Variants in AVEN observed in about 807,000 individuals in gnomAD.
AVEN encodes the protein apoptosis and caspase activation inhibitor.
In AVEN, 41 loss-of-function variants were observed where a neutral mutation model predicts 38.1. The ratio of observed to expected loss-of-function variants is 1.08; its 90% CI spans 0.84 to 1.40. AVEN has a LOEUF of 1.40. Among genes scored for constraint, AVEN ranks in the 40% most tolerant of loss-of-function variants. AVEN has a pLI of 0.00. For missense variants in AVEN, 605 were observed against 438.8 expected (o/e 1.38, Z -3.38); for synonymous variants, 206 against 171.8 (o/e 1.20, Z -1.56).
chr15:33,872,283 G>T (rs3794590), intron 3 of AVEN, among the ~76,000 whole-genome samples: 1 of 151,968 alleles, frequency 6.6e-6, no homozygotes, highest in Admixed American at 6.6e-5. Flanking sequence ...CTCTGGCCAG[G>T]AATCATAAGA....
chr15:33,853,925 G>A (rs1295182428), downstream of AVEN, among the ~76,000 whole-genome samples: 1 of 152,118 alleles, frequency 6.6e-6, no homozygotes, highest in African/African-American at 2.4e-5. Context: ...TGGGCGCAGT[G>A]GCTCATACCT....
chr15:34,071,468 GTCTC>G (rs1900623932), intron 1 of AVEN, among the ~76,000 whole-genome samples: 1 of 151,960 alleles, frequency 6.6e-6, no homozygotes, highest in African/African-American at 2.4e-5. Flanking sequence ...TAGAGATGTG[GTCTC>G]TCTATGTTGC....
At position 34,059,250 on chromosome 15, in the gene AVEN, A is replaced by G. The variant is rs146511953; in HGVS notation, n.1637+3672T>C. The stretch of plus-strand genomic sequence containing the variant: ...TGAAAAAGAAGTACCCAGGCTATAC[A>G]TGTGTCCAAAGGAGTATGTGCACAT... On this transcript the variant is annotated intron_variant and non_coding_transcript_variant, in intron 5 of 11. Transcript: ENST00000675287. 3.4e-3 allele frequency among the ~76,000 whole-genome samples: 522 copies of G among 152,314 alleles called. 4 individuals are homozygous for G. Among genetic ancestry groups the G allele is most frequent in the African/African-American group, 0.012 (486 of 41,572 alleles).
chr15:33,956,608 A>C lies in AVEN; in HGVS notation c.445+46424T>G, dbSNP rs1209265238. Among the ~76,000 whole-genome samples the C allele has an allele frequency of 1.3e-5, 2 of 152,080 alleles. 1 individual carries two copies. Among genetic ancestry groups the C allele is most frequent in the East Asian group, 3.9e-4 (2 of 5,192 alleles). ...CTATCTCCCCTGCCCACACACACATAATCATTTATCTTTTGGCCTTGGTTA... is the reference window on the plus strand; with the variant it reads ...CTATCTCCCCTGCCCACACACACATCATCATTTATCTTTTGGCCTTGGTTA... On this transcript the variant is annotated intron_variant, in intron 2 of 5. Transcript: ENST00000306730.
chr15:34,016,727 C>G (rs750089663), intron 1 of AVEN, among the ~76,000 whole-genome samples: 9 of 152,160 alleles, frequency 5.9e-5, no homozygotes, highest in Non-Finnish European at 1.2e-4. Context: ...GGTGAGTGGT[C>G]CATTTTAAAC....
intron 2 of AVEN, among the ~76,000 whole-genome samples, chr15:33,933,894 G>C (rs1464740720): frequency 6.6e-6 from 1 of 152,154 alleles, no homozygotes; most frequent in Non-Finnish European, 1.5e-5. Flanking sequence ...GGGAGGCAGA[G>C]GTTGCAGTGA....
At position 34,050,472 on chromosome 15, in the gene AVEN, T is replaced by C. The variant is rs2140825300; in HGVS notation, n.1637+12450A>G. On this transcript the variant is annotated intron_variant and non_coding_transcript_variant, in intron 5 of 11. Transcript: ENST00000675287. ...TCTGCAAAATAACCAGCTAGCATCA[T>C]GATGACAGGATCAAATTCACACATA... is the stretch of plus-strand genomic sequence containing the variant. Among the ~76,000 whole-genome samples the C allele has an allele frequency of 1.3e-5, 2 of 152,290 alleles. 1 individual carries two copies. The highest frequency in any genetic ancestry group is 4.1e-4 in the South Asian group (2 of 4,830).
intron 2 of AVEN, among the ~76,000 whole-genome samples, chr15:33,892,043 T>C (rs1466911376): frequency 2.6e-5 from 4 of 152,274 alleles, no homozygotes; most frequent in Non-Finnish European, 5.9e-5. Context: ...GAGAAGTGTC[T>C]GTTCATATCC....
chr15:33,864,987 A>ATAGAGCAAGAATGAATGTGCAGGTT, downstream of AVEN: 1 of 608,020 alleles, frequency 1.6e-6, no homozygotes, highest in Non-Finnish European at 2.9e-6. Context: ...TGTGCTGGGA[A>ATAGAGCAAGAATGAATGTGCAGGTT]TAGAGCAAGA....
chr15:33,888,318 G>A (rs964529105), intron 2 of AVEN, among the ~76,000 whole-genome samples: 23 of 151,276 alleles, frequency 1.5e-4, no homozygotes, highest in African/African-American at 4.9e-4. Flanking sequence ...TGTGTGTGTG[G>A]CAGGGGGAAG....
At chr15:33,974,576 G>A (rs951448532) in intron 2 of AVEN, among the ~76,000 whole-genome samples, 3 of 152,270 alleles carry the variant, frequency 2.0e-5, no homozygotes, top group Admixed American at 6.5e-5. Flanking sequence ...TGTGTGTTGG[G>A]GTGGGGGCAG....
chr15:34,028,176 C>T (rs950782127), intron 1 of AVEN, among the ~76,000 whole-genome samples: 1 of 152,168 alleles, frequency 6.6e-6, no homozygotes, highest in Non-Finnish European at 1.5e-5. Flanking sequence ...AAAGATAATA[C>T]ATATTCCATA....
chr15:34,006,551 T>C (rs933891324), intron 1 of AVEN, among the ~76,000 whole-genome samples: 4 of 152,230 alleles, frequency 2.6e-5, no homozygotes, highest in African/African-American at 9.6e-5. Context: ...AAGAGGATTA[T>C]GATCTAAAAC....
intron 1 of AVEN, among the ~76,000 whole-genome samples, chr15:34,034,417 A>G (rs1411097329): frequency 2.0e-5 from 3 of 150,662 alleles, no homozygotes; most frequent in Non-Finnish European, 4.4e-5. Flanking sequence ...CTCCAGCGTG[A>G]GCAACAAAGT....
At chr15:33,983,217 T>C (rs950097551) in intron 2 of AVEN, among the ~76,000 whole-genome samples, 5,446 of 103,388 alleles carry the variant, frequency 0.053, 250 homozygotes, top group African/African-American at 0.18. Context: ...TATATATACA[T>C]ATATATACAC....
At chr15:33,876,971 A>G (rs1227147098) in intron 2 of AVEN, among the ~76,000 whole-genome samples, 1 of 152,240 alleles carries the variant, frequency 6.6e-6, no homozygotes, top group Non-Finnish European at 1.5e-5. Context: ...AAACAGAACT[A>G]AAACTGTAGA....
chr15:34,027,062 C>G (rs1280818156), intron 1 of AVEN, among the ~76,000 whole-genome samples: 1 of 152,188 alleles, frequency 6.6e-6, no homozygotes, highest in Non-Finnish European at 1.5e-5. Flanking sequence ...ACTACAAAAG[C>G]AACAAGAACA....
intron 2 of AVEN, among the ~76,000 whole-genome samples, chr15:33,917,886 A>G (rs552190786): frequency 6.6e-6 from 1 of 152,320 alleles, no homozygotes; most frequent in South Asian, 2.1e-4. Flanking sequence ...GCGTGCACCA[A>G]AAACTCAGAA....
At chr15:33,863,400 C>T (rs1005056722), downstream of AVEN, among the ~76,000 whole-genome samples, 1 of 152,186 alleles carries the variant, frequency 6.6e-6, no homozygotes, top group Admixed American at 6.5e-5. Context: ...TGACAGAACT[C>T]AAGATCTGGG....
Sources: allele counts gnomAD v4.1 joint callset (sites outside exome capture counted in the v4.1 genomes callset), GRCh38; gene constraint gnomAD v4.1.1; transcripts MANE v1.5; gene names NCBI Gene and HGNC (gene_info 2026-07-23, HGNC 2026-07-21).